The following PRDM8 variants were observed in gnomAD, a reference collection of about 807,000 sequenced individuals.
PRDM8 encodes PR domain zinc finger protein 8.
Under a neutral mutation model 46.5 loss-of-function variants are expected in PRDM8, and 13 were observed. The ratio of observed to expected loss-of-function variants is 0.28; its 90% CI spans 0.18 to 0.44. PRDM8 has a LOEUF of 0.44. Among genes scored for constraint, PRDM8 ranks in the 20% least tolerant of loss-of-function variants. The pLI is 1.00. For synonymous variants in PRDM8, 473 were observed against 438.4 expected, an observed-to-expected ratio of 1.08 and a Z score of -0.98; for missense variants, 998 against 955.0, an observed-to-expected ratio of 1.04 and a Z score of -0.59.
chr4:80,199,960 A>G, intron 1 of PRDM8, 119 bp from the exon 2 acceptor site: 1 of 709,114 alleles, frequency 1.4e-6, no homozygotes, highest in Admixed American at 2.5e-5. Context: ...AATAAGAGCT[A>G]TGCAAAAATC....
chr4:80,189,349 G>A (rs1256760787), intron 1 of PRDM8, among the ~76,000 whole-genome samples: 1 of 152,076 alleles, frequency 6.6e-6, no homozygotes, highest in Non-Finnish European at 1.5e-5. Flanking sequence ...CTGGGCATGG[G>A]AGGATGGAAG....
chr4:80,203,550 C>G lies in PRDM8; in HGVS notation c.*18C>G. On this transcript the variant is annotated 3_prime_UTR_variant, in exon 4 of 4. Coordinates refer to ENST00000415738, the MANE Select transcript of PRDM8 (RefSeq NM_001099403.2). ...ATAATTGACTCGGAAAGGACCCCAG[C>G]TTTCCACGCGCGCGCAAGCACAGTT... 1.3e-6 allele frequency: 2 copies of G among 1,591,928 alleles called. No individual in the cohort carries two copies. The highest frequency in any genetic ancestry group is 8.6e-7 in the Non-Finnish European group (1 of 1,168,052).
exon 1 of PRDM8, chr4:80,185,494 G>C (rs1737002076): frequency 6.6e-6 from 1 of 152,338 alleles, no homozygotes; most frequent in Non-Finnish European, 1.5e-5. Context: ...AAGGAGCCCG[G>C]AAAATCGTCA....
intron 1 of PRDM8, among the ~76,000 whole-genome samples, chr4:80,198,094 G>C (rs1040770641): frequency 1.3e-5 from 2 of 152,234 alleles, no homozygotes; most frequent in Admixed American, 1.3e-4. Flanking sequence ...TGGGCCTAGA[G>C]CGGGGCACGG....
rs775975261 is a variant in PRDM8 at position 80,201,482 on chromosome 4, C to T, written c.412C>T (p.Leu138Phe). ...GTACGGGAAAGAACTGACTGAGTTA[C>T]TCTTGCTCTGCCCCTCTAGATCCCA... is the stretch of plus-strand genomic sequence containing the variant. Reference protein sequence around the residue: ...VWYGKELTELLLLCPSRSHNK... With the variant: ...VWYGKELTELFLLCPSRSHNK... The change falls in exon 3 of 4, where the codon CTC becomes TTC. Residue 138 changes from leucine (L) to phenylalanine (F), a missense_variant. Leu to Phe is a conservative substitution (Grantham distance 22, BLOSUM62 0). Coordinates refer to ENST00000415738, the MANE Select transcript of PRDM8 (RefSeq NM_001099403.2). 3.7e-6 allele frequency: 6 copies of T among 1,614,122 alleles called. No homozygotes were observed. Among genetic ancestry groups the T allele is most frequent in the Non-Finnish European group, 5.1e-6 (6 of 1,179,950 alleles).
In PRDM8 at chr4:80,203,024, G is replaced by A. The variant is rs778713373; in HGVS notation, c.1562G>A (p.Gly521Asp). The change falls in exon 4 of 4, where the codon GGC becomes GAC. Residue 521 changes from glycine to aspartate, a missense_variant. Transcript: ENST00000415738. ...CCGCTGGTGCTGGGCCAGAAGCTGGGCGCGCTCGAGCCATGCCACCCCGCC... is the reference window on the plus strand; with the variant it reads ...CCGCTGGTGCTGGGCCAGAAGCTGGACGCGCTCGAGCCATGCCACCCCGCC... ...LSPLVLGQKLGALEPCHPADG... is the reference protein window; with the variant it reads ...LSPLVLGQKLDALEPCHPADG... 8 of 1,531,322 alleles carry A rather than the reference G, an allele frequency of 5.2e-6. No homozygotes were observed. Among genetic ancestry groups the A allele is most frequent in the Non-Finnish European group, 6.1e-6 (7 of 1,148,586 alleles). 94.9% of individuals were successfully genotyped at this position (1,531,322 alleles called of 1,614,324 possible).
At chr4:80,196,729 C>G (rs1310477118), upstream of PRDM8, 3 of 886,868 alleles carry the variant, frequency 3.4e-6, no homozygotes, top group Admixed American at 1.2e-4. Context: ...AAAAACCCCA[C>G]GAAAACAAAA....
At position 80,203,463 on chromosome 4, in the gene PRDM8, G is replaced by A; in HGVS notation, c.2001G>A (p.Lys667=). 1 of 1,613,480 alleles carries A rather than the reference G, an allele frequency of 6.2e-7. No individual in the cohort carries two copies. The highest frequency in any genetic ancestry group is 8.5e-7 in the Non-Finnish European group (1 of 1,179,816). The change falls in exon 4 of 4, where the codon AAG becomes AAA. Residue 667 remains lysine (K), a synonymous_variant. Coordinates refer to ENST00000415738, the MANE Select transcript of PRDM8 (RefSeq NM_001099403.2). ...LVKRRREEKL[K]CPICNESFRE... ...AGCGGCGGCGAGAGGAGAAACTCAA[G>A]TGCCCCATCTGCAATGAGTCCTTCA...
At position 80,200,133 on chromosome 4, in the gene PRDM8, T is replaced by C. The variant is rs561860308; in HGVS notation, c.53T>C (p.Val18Ala). 79 of 1,614,136 alleles carry C rather than the reference T, an allele frequency of 4.9e-5. No homozygotes were observed. The South Asian group carries it at 8.0e-4, about 16-fold the overall frequency. The change falls in exon 2 of 4, where the codon GTC becomes GCC. Residue 18 changes from valine (V) to alanine (A), a missense_variant. Transcript: ENST00000415738. ...ATCTGGGATGGAGATGCCAAGGCTGTCCAACAATGTCTGACAGATATTTTT... is the reference window on the plus strand; with the variant it reads ...ATCTGGGATGGAGATGCCAAGGCTGCCCAACAATGTCTGACAGATATTTTT... ...RGIWDGDAKA[V>A]QQCLTDIFTS...
upstream of PRDM8, chr4:80,196,009 T>C (rs898587269): frequency 1.0e-6 from 1 of 966,654 alleles, no homozygotes; most frequent in Non-Finnish European, 1.2e-6. Context: ...TTGTTTCTCC[T>C]CAGCAAAATC....
upstream of PRDM8, chr4:80,196,346 C>A (rs1578253096): frequency 1.0e-6 from 1 of 985,416 alleles, no homozygotes; most frequent in Non-Finnish European, 1.2e-6. Context: ...GCCTTTCTTC[C>A]TTTAGGAGTA....
chr4:80,197,826 G>C, intron 1 of PRDM8, 63 bp downstream of exon 1: 1 of 966,922 alleles, frequency 1.0e-6, no homozygotes. Flanking sequence ...GGAAAGAGTA[G>C]AACATTTTGT....
At chr4:80,201,181 G>A in intron 2 of PRDM8, 109 bp from the exon 3 acceptor site, 1 of 1,101,076 alleles carries the variant, frequency 9.1e-7, no homozygotes, top group East Asian at 2.6e-5. Flanking sequence ...ACAATTTTTG[G>A]AAAAGACTAA....
intron 1 of PRDM8, among the ~76,000 whole-genome samples, chr4:80,186,102 C>A (rs1174522608): frequency 6.6e-6 from 1 of 152,154 alleles, no homozygotes; most frequent in Non-Finnish European, 1.5e-5. Flanking sequence ...CTTCTCACTG[C>A]ACTAGGTGGA....
intron 1 of PRDM8, among the ~76,000 whole-genome samples, chr4:80,198,980 GTTTTTTTTTTTTTGT>G (rs1399682092): frequency 7.3e-4 from 76 of 104,222 alleles, no homozygotes; most frequent in African/African-American, 2.2e-3. Flanking sequence ...GTTTTTTTGG[GTTTTTTTTTTTTTGT>G]TTTTTTTTTT....
chr4:80,198,990 T>TTTTG (rs796348329), intron 1 of PRDM8, among the ~76,000 whole-genome samples: 1 of 100,812 alleles, frequency 9.9e-6, no homozygotes, highest in Non-Finnish European at 1.7e-5. Context: ...GTTTTTTTTT[T>TTTTG]TTTGTTTTTT....
At position 80,203,656 on chromosome 4, in the gene PRDM8, C is replaced by T; in HGVS notation, c.*124C>T. 2 of 1,426,638 alleles carry T rather than the reference C, an allele frequency of 1.4e-6. No homozygotes were observed. The highest frequency in any genetic ancestry group is 9.1e-7 in the Non-Finnish European group (1 of 1,093,512). 88.4% of individuals were successfully genotyped at this position (1,426,638 alleles called of 1,614,324 possible). On this transcript the variant is annotated 3_prime_UTR_variant, in exon 4 of 4. Coordinates refer to ENST00000415738, the MANE Select transcript of PRDM8 (RefSeq NM_001099403.2). ...AACCCTGCACAAAGACACATACATT[C>T]ACCGCCCCCCCGCCCCCCCAACGCG...
upstream of PRDM8, chr4:80,196,176 A>C: frequency 1.1e-6 from 1 of 921,040 alleles, no homozygotes; most frequent in Non-Finnish European, 1.3e-6. Context: ...CACTAGGAAA[A>C]ACAACAACGA....
At chr4:80,192,542 G>T (rs892566109), upstream of PRDM8, among the ~76,000 whole-genome samples, 1 of 152,186 alleles carries the variant, frequency 6.6e-6, no homozygotes, top group Admixed American at 6.5e-5. Flanking sequence ...GGGTAAGGAG[G>T]TTCAGAGTGA....
Sources: gnomAD v4.1 joint callset for allele counts (sites outside exome capture counted in the v4.1 genomes callset) on GRCh38, gnomAD v4.1.1 for gene constraint, MANE v1.5 for transcripts, NCBI Gene and HGNC (gene_info 2026-07-23, HGNC 2026-07-21) for gene names.